Variants in ACACA observed in about 807,000 individuals in gnomAD.
ACACA encodes the protein acetyl-CoA carboxylase alpha.
ACACA carries 103 observed loss-of-function variants against 296.1 expected under a neutral mutation model. That is an observed-to-expected ratio of 0.35 (90% CI 0.30 to 0.41). The LOEUF (loss-of-function observed/expected upper bound fraction) is 0.41, where lower values mean the gene tolerates loss of function less well. ACACA is among the 10% of genes least tolerant of loss of function. The probability of loss-of-function intolerance (pLI) is 1.00; values close to 1 mark genes in which losing one functional copy is unlikely to be tolerated. For synonymous variants in ACACA, 953 were observed against 1,038.6 expected (o/e 0.92, Z 1.58); for missense variants, 1,554 against 2,989.7 (o/e 0.52, Z 11.20).
At chr17:37,378,755 T>C (rs2050113979) in intron 1 of ACACA, among the ~76,000 whole-genome samples, 1 of 151,424 alleles carries the variant, frequency 6.6e-6, no homozygotes, top group Non-Finnish European at 1.5e-5. Context: ...CACTCTAGCC[T>C]GGACCACAAG....
At chr17:37,099,469 A>C (rs1446390235) in intron 52 of ACACA, among the ~76,000 whole-genome samples, 136 of 130,074 alleles carry the variant, frequency 1.0e-3, no homozygotes, top group Admixed American at 1.3e-3. Flanking sequence ...GGGCTGAGGG[A>C]TGGAGGGCTG....
In ACACA at chr17:37,244,799, G is replaced by A. The variant is rs1356961717; in HGVS notation, c.2596-65C>T. On this transcript the variant is annotated intron_variant, in intron 20 of 55. Coordinates refer to ENST00000616317, the MANE Select transcript of ACACA (RefSeq NM_198834.3). ...TGATCTAAGGTACAAACACACCACTGCACTTAAGAGTTATCATTCAAAATC... is the reference window on the plus strand; with the variant it reads ...TGATCTAAGGTACAAACACACCACTACACTTAAGAGTTATCATTCAAAATC... 1.1e-5 allele frequency: 18 copies of A among 1,595,146 alleles called. No homozygotes were observed. In the East Asian group the frequency reaches 3.8e-4, roughly 34 times the overall value.
At chr17:37,138,648 T>C (rs2143733863) in intron 45 of ACACA, among the ~76,000 whole-genome samples, 1 of 152,334 alleles carries the variant, frequency 6.6e-6, no homozygotes. Flanking sequence ...ATAGCTGTCA[T>C]CTCCTTTCCC....
chr17:37,263,786 A>G lies in ACACA; in HGVS notation c.1228T>C (p.Leu410=). The change falls in exon 11 of 56, where the codon TTG becomes CTG. Residue 410 remains leucine (L), a synonymous_variant. Transcript: ENST00000616317. ...LADQYGNAIS[L]FGRDCSVQRR... ...TGTACAGAGCAATCACGACCAAACA[A>G]AGAGATAGCATTGCCATATTGGTCC... is the stretch of plus-strand genomic sequence containing the variant. The G allele has an allele frequency of 6.2e-7, 1 of 1,614,102 alleles. No homozygotes were observed. Among genetic ancestry groups the G allele is most frequent in the Non-Finnish European group, 8.5e-7 (1 of 1,180,004 alleles).
At chr17:37,184,576 A>G (rs984687016) in intron 39 of ACACA, among the ~76,000 whole-genome samples, 1 of 152,182 alleles carries the variant, frequency 6.6e-6, no homozygotes, top group African/African-American at 2.4e-5. Flanking sequence ...GGGGCTGGGC[A>G]TGGCAGCTTA....
chr17:37,237,544 G>GT (rs1055657489), intron 24 of ACACA, among the ~76,000 whole-genome samples: 4 of 152,064 alleles, frequency 2.6e-5, no homozygotes, highest in Non-Finnish European at 5.9e-5. Context: ...TGTGGTTTTG[G>GT]TTTATATGCC....
intron 29 of ACACA, among the ~76,000 whole-genome samples, chr17:37,220,254 T>A (rs547718725): frequency 2.6e-5 from 4 of 152,168 alleles, no homozygotes; most frequent in Non-Finnish European, 5.9e-5. Context: ...ACTGGACATA[T>A]CCTCAAATAA....
intron 6 of ACACA, among the ~76,000 whole-genome samples, chr17:37,277,654 C>T (rs1332957343): frequency 6.6e-6 from 1 of 152,280 alleles, no homozygotes; most frequent in South Asian, 2.1e-4. Context: ...GGTGAGATAC[C>T]TAGAATAAAT....
At chr17:37,376,224 C>A in intron 1 of ACACA, 1 of 1,260,642 alleles carries the variant, frequency 7.9e-7, no homozygotes, top group Non-Finnish European at 1.2e-6. Flanking sequence ...GTCTCTTCCA[C>A]CAGATAGAGA....
In ACACA at chr17:37,087,291, G is replaced by A; in HGVS notation, c.*25C>T. 1.2e-6 allele frequency: 2 copies of A among 1,613,914 alleles called. No individual in the cohort carries two copies. Among genetic ancestry groups the A allele is most frequent in the Middle Eastern group, 1.7e-4 (1 of 5,914 alleles). ...CTCTAGCCCTTTTCTCCAGAGACAG[G>A]GCAGGGACAGGCAGGAAGCTCTTCC... On this transcript the variant is annotated 3_prime_UTR_variant, in exon 56 of 56. Coordinates refer to ENST00000616317, the MANE Select transcript of ACACA (RefSeq NM_198834.3).
At chr17:37,201,050 T>G (rs1038842488) in intron 33 of ACACA, among the ~76,000 whole-genome samples, 34 of 152,216 alleles carry the variant, frequency 2.2e-4, no homozygotes, top group African/African-American at 8.2e-4. Context: ...TTTTAAAAAC[T>G]CTCTCTTTTA....
chr17:37,128,060 GGAA>G (rs932652521), intron 47 of ACACA, among the ~76,000 whole-genome samples: 9 of 116,474 alleles, frequency 7.7e-5, no homozygotes, highest in Admixed American at 1.7e-4. Flanking sequence ...AAAAACAGTA[GGAA>G]GAAGATTAGT....
At chr17:37,144,230 T>C in intron 45 of ACACA, 1 of 707,014 alleles carries the variant, frequency 1.4e-6, no homozygotes, top group Non-Finnish European at 2.6e-6. Flanking sequence ...CCAACAAGTT[T>C]GCACAAAAAA....
intron 1 of ACACA, among the ~76,000 whole-genome samples, chr17:37,378,790 G>A (rs935029680): frequency 2.6e-5 from 4 of 152,198 alleles, no homozygotes; most frequent in Admixed American, 1.3e-4. Flanking sequence ...GGTCGGGTGC[G>A]GTGGCTCATG....
chr17:37,316,848 AG>A (rs2047116961), intron 3 of ACACA, among the ~76,000 whole-genome samples: 1 of 151,782 alleles, frequency 6.6e-6, no homozygotes, highest in Non-Finnish European at 1.5e-5. Context: ...CGAGGAGGGT[AG>A]ATCACCTAAG....
intron 26 of ACACA, chr17:37,225,424 G>C (rs1288391215): frequency 3.4e-6 from 1 of 290,362 alleles, no homozygotes; most frequent in Non-Finnish European, 6.6e-6. Flanking sequence ...TGGTCCTAGG[G>C]ACTGCATGAC....
chr17:37,225,400 C>T, intron 26 of ACACA: 1 of 354,740 alleles, frequency 2.8e-6, no homozygotes, highest in Non-Finnish European at 5.3e-6. Context: ...TGTGATTTAC[C>T]ATTGCAAAGC....
intron 35 of ACACA, among the ~76,000 whole-genome samples, chr17:37,198,518 C>G (rs918832212): frequency 6.6e-6 from 1 of 152,196 alleles, no homozygotes; most frequent in Admixed American, 6.5e-5. Flanking sequence ...CTTTCATATT[C>G]TATCCCAAAG....
chr17:37,301,373 A>T (rs977469977), intron 3 of ACACA: 1 of 985,278 alleles, frequency 1.0e-6, no homozygotes, highest in African/African-American at 1.7e-5. Context: ...TCCAACGTAG[A>T]CACATACCTG....
Sources: allele counts gnomAD v4.1 joint callset (sites outside exome capture counted in the v4.1 genomes callset), GRCh38; gene constraint gnomAD v4.1.1; transcripts MANE v1.5; gene names NCBI Gene and HGNC (gene_info 2026-07-23, HGNC 2026-07-21).